The following IFT52 variants were observed in gnomAD, a reference collection of about 807,000 sequenced individuals.
IFT52 encodes the protein intraflagellar transport 52.
Under a neutral mutation model 54.4 loss-of-function variants are expected in IFT52, and 44 were observed. That is an observed-to-expected ratio of 0.81 (90% CI 0.63 to 1.04). The LOEUF (loss-of-function observed/expected upper bound fraction) is 1.04, where lower values mean the gene tolerates loss of function less well. Ranked by LOEUF, IFT52 falls within the 50% of genes least tolerant of loss-of-function variation. The pLI is 0.00. For missense variants in IFT52, 452 were observed against 523.6 expected (o/e 0.86, Z 1.33); for synonymous variants, 181 against 185.3 (o/e 0.98, Z 0.19).
chr20:43,608,141 G>A lies in IFT52; in HGVS notation c.485+3068G>A, dbSNP rs538858415. 8.1e-4 allele frequency among the ~76,000 whole-genome samples: 123 copies of A among 152,120 alleles called. 2 individuals are homozygous for A. The highest frequency in any genetic ancestry group is 7.8e-3 in the Admixed American group (119 of 15,266). On this transcript the variant is annotated intron_variant, in intron 6 of 13. Coordinates refer to ENST00000373030, the MANE Select transcript of IFT52 (RefSeq NM_016004.5). ...CGGCATCAGAGGGAGACCGTGGAAA[G>A]AGAGGGAGAGGGAGACCGTGGGGAG... is the stretch of plus-strand genomic sequence containing the variant.
intron 10 of IFT52, among the ~76,000 whole-genome samples, chr20:43,632,667 A>G (rs2145660752): frequency 6.6e-6 from 1 of 152,150 alleles, no homozygotes; most frequent in African/African-American, 2.4e-5. Context: ...CTGTTGCTGT[A>G]CTCCTCATGT....
intron 10 of IFT52, among the ~76,000 whole-genome samples, chr20:43,627,401 A>G (rs1217939771): frequency 1.3e-5 from 2 of 152,226 alleles, no homozygotes; most frequent in African/African-American, 4.8e-5. Context: ...GGTGATCTAG[A>G]CAGGGTCTTC....
chr20:43,626,020 C>CG (rs1330877961), intron 10 of IFT52, among the ~76,000 whole-genome samples: 8 of 46,640 alleles, frequency 1.7e-4, no homozygotes, highest in African/African-American at 4.7e-4. Flanking sequence ...ATCTTGTCTC[C>CG]GGAAAAAAAA....
intron 3 of IFT52, among the ~76,000 whole-genome samples, chr20:43,601,692 TTC>T (rs1249664561): frequency 1.3e-5 from 2 of 152,210 alleles, no homozygotes; most frequent in Non-Finnish European, 2.9e-5. Context: ...AAAAGCTATG[TTC>T]TGAGAATATA....
At chr20:43,626,022 GA>G (rs11403788) in intron 10 of IFT52, among the ~76,000 whole-genome samples, 1,273 of 96,650 alleles carry the variant, frequency 0.013, 17 homozygotes, top group African/African-American at 0.036. Flanking sequence ...CTTGTCTCCG[GA>G]AAAAAAAAAA....
At chr20:43,610,659 A>T (rs1219629094) in intron 6 of IFT52, among the ~76,000 whole-genome samples, 2 of 152,046 alleles carry the variant, frequency 1.3e-5, no homozygotes, top group African/African-American at 4.8e-5. Flanking sequence ...GAATGGTGTG[A>T]ACCCGGGAGG....
chr20:43,603,609 A>T, intron 3 of IFT52, 151 bp from the exon 4 acceptor site: 1 of 655,150 alleles, frequency 1.5e-6, no homozygotes, highest in South Asian at 2.1e-5. Flanking sequence ...GAGATCCTAC[A>T]TAGAGAGTAC....
Position 43,645,700 on chromosome 20 carries a change from A to T in IFT52, c.1267-1236A>T, listed in dbSNP as rs1190349415. ...TGGGCAACAGAAACTCCACATCCAT[A>T]AAAAAATACAAAAATTAGCCAGGTG... On this transcript the variant is annotated intron_variant, in intron 13 of 13. Coordinates refer to ENST00000373030, the MANE Select transcript of IFT52 (RefSeq NM_016004.5). Among the ~76,000 whole-genome samples, 2 of 53,458 alleles carry T rather than the reference A, an allele frequency of 3.7e-5. 1 individual carries two copies. The highest frequency in any genetic ancestry group is 1.1e-4 in the African/African-American group (2 of 18,336). 35.1% of individuals were successfully genotyped at this position (53,458 alleles called of 152,430 possible).
At chr20:43,624,264 G>GTGT (rs1568772328) in intron 10 of IFT52, 5 of 559,342 alleles carry the variant, frequency 8.9e-6, no homozygotes. Flanking sequence ...CCAGATTCTG[G>GTGT]ACCAGGCATT....
chr20:43,628,073 C>T (rs913278185), intron 10 of IFT52, among the ~76,000 whole-genome samples: 1 of 151,956 alleles, frequency 6.6e-6, no homozygotes, highest in African/African-American at 2.4e-5. Context: ...GGACTACAGG[C>T]GTGCACCACC....
At chr20:43,607,045 C>G (rs1982955000) in intron 6 of IFT52, among the ~76,000 whole-genome samples, 1 of 152,240 alleles carries the variant, frequency 6.6e-6, no homozygotes, top group Non-Finnish European at 1.5e-5. Context: ...TCCCCTCTTT[C>G]TATTCCACAA....
At chr20:43,608,093 A>C (rs923652599) in intron 6 of IFT52, among the ~76,000 whole-genome samples, 13 of 152,280 alleles carry the variant, frequency 8.5e-5, no homozygotes, top group Admixed American at 3.9e-4. Context: ...CCGAGATGGC[A>C]GCAGTATAGT....
intron 12 of IFT52, among the ~76,000 whole-genome samples, chr20:43,640,827 C>T (rs752862093): frequency 9.9e-5 from 15 of 151,990 alleles, no homozygotes; most frequent in Admixed American, 7.2e-4. Flanking sequence ...CTGGAGCTCA[C>T]GAGTTCGAGA....
chr20:43,600,021 A>G (rs1339948476), intron 3 of IFT52, among the ~76,000 whole-genome samples: 1 of 152,252 alleles, frequency 6.6e-6, no homozygotes, highest in East Asian at 1.9e-4. Context: ...AGGATGATTT[A>G]TAAAAGAATA....
intron 8 of IFT52, 131 bp downstream of exon 8, chr20:43,619,157 A>T: frequency 1.5e-6 from 1 of 658,262 alleles, no homozygotes; most frequent in Admixed American, 2.8e-5. Context: ...GGCACTGAGA[A>T]TACAAAGTCG....
rs758069640 is a variant in IFT52, at chr20:43,618,955, C to T, written c.628C>T (p.Leu210=). ...TCATCAATAGAACCAAGGTGGGAAG[C>T]TGGCAGTGCTTGGTTCATGTCACAT... ...FYHSKNQGGK[L]AVLGSCHMFS... Residue 210 remains leucine, a synonymous_variant, in exon 8 of 14, where the codon CTG becomes TTG. Transcript: ENST00000373030. The T allele has an allele frequency of 1.9e-6, 3 of 1,613,612 alleles. No homozygotes were observed. Among genetic ancestry groups the T allele is most frequent in the South Asian group, 2.2e-5 (2 of 91,034 alleles).
chr20:43,599,188 ACT>A (rs1460723495), intron 3 of IFT52, among the ~76,000 whole-genome samples: 11 of 151,980 alleles, frequency 7.2e-5, no homozygotes, highest in African/African-American at 2.7e-4. Flanking sequence ...GCAGAGCAAC[ACT>A]CTATTGCTTG....
chr20:43,629,453 T>C (rs543628740), intron 10 of IFT52, among the ~76,000 whole-genome samples: 3 of 152,234 alleles, frequency 2.0e-5, no homozygotes, highest in East Asian at 1.9e-4. Flanking sequence ...TTTGTATTTT[T>C]AGTAGAGACA....
intron 11 of IFT52, among the ~76,000 whole-genome samples, chr20:43,636,524 T>C (rs1985551276): frequency 6.6e-6 from 1 of 152,138 alleles, no homozygotes; most frequent in Non-Finnish European, 1.5e-5. Flanking sequence ...AAATTGGCCA[T>C]GGTGAGAGGA....
Sources: allele counts gnomAD v4.1 joint callset (sites outside exome capture counted in the v4.1 genomes callset), GRCh38; gene constraint gnomAD v4.1.1; transcripts MANE v1.5; gene names NCBI Gene and HGNC (gene_info 2026-07-23, HGNC 2026-07-21).